The following ELOVL2 variants were observed in gnomAD, a reference collection of about 807,000 sequenced individuals.
ELOVL2 encodes the protein very long chain fatty acid elongase 2.
ELOVL2 carries 38 observed loss-of-function variants against 37.7 expected under a neutral mutation model. The ratio of observed to expected loss-of-function variants is 1.01; its 90% CI spans 0.78 to 1.32. The LOEUF (loss-of-function observed/expected upper bound fraction) is 1.32. ELOVL2 is among the 40% of genes most tolerant of loss of function. The pLI is 0.00. For missense variants in ELOVL2, 352 were observed against 363.6 expected, an observed-to-expected ratio of 0.97 and a Z score of 0.26; for synonymous variants, 115 against 122.3, an observed-to-expected ratio of 0.94 and a Z score of 0.40.
At chr6:11,040,156 A>G (rs16870899) in intron 1 of ELOVL2, among the ~76,000 whole-genome samples, 11,714 of 152,254 alleles carry the variant, frequency 0.077, 1,332 homozygotes, top group African/African-American at 0.25. Context: ...GACACAGTAG[A>G]CTGAAGAGCT....
chr6:11,039,513 T>C (rs139247167), intron 1 of ELOVL2, among the ~76,000 whole-genome samples: 1 of 152,354 alleles, frequency 6.6e-6, no homozygotes, highest in East Asian at 1.9e-4. Context: ...ATGTATACAA[T>C]GTAATGATCA....
At chr6:10,998,307 A>G (rs985094023) in intron 4 of ELOVL2, among the ~76,000 whole-genome samples, 1 of 152,184 alleles carries the variant, frequency 6.6e-6, no homozygotes, top group Admixed American at 6.5e-5. Flanking sequence ...TTATTTCACT[A>G]GGAGTTGCAA....
At chr6:11,033,400 C>T (rs1782961827) in intron 1 of ELOVL2, among the ~76,000 whole-genome samples, 1 of 152,096 alleles carries the variant, frequency 6.6e-6, no homozygotes, top group Admixed American at 6.5e-5. Context: ...GTGTGTACAA[C>T]AGAGGATGAA....
At position 10,989,857 on chromosome 6, in the gene ELOVL2, C is replaced by A. The variant is rs1167720343; in HGVS notation, c.631-20G>T. On this transcript the variant is annotated intron_variant, in intron 6 of 7. Transcript: ENST00000354666. ...CTGCACCTGGGGACGGCAGAGAGGG[C>A]ATCTCTGTGAGCGAGCCAGGCTGTG... 1.2e-6 allele frequency: 2 copies of A among 1,613,728 alleles called. No homozygotes were observed. Among genetic ancestry groups the A allele is most frequent in the African/African-American group, 2.7e-5 (2 of 75,014 alleles).
intron 1 of ELOVL2, among the ~76,000 whole-genome samples, chr6:11,035,662 A>G (rs1281126812): frequency 1.3e-5 from 2 of 152,222 alleles, no homozygotes; most frequent in East Asian, 1.9e-4. Context: ...TTTTTTTGTC[A>G]TAATATTACT....
At chr6:11,022,594 A>C (rs1019503076) in intron 1 of ELOVL2, among the ~76,000 whole-genome samples, 2 of 152,208 alleles carry the variant, frequency 1.3e-5, no homozygotes, top group Admixed American at 1.3e-4. Context: ...AATTATATAC[A>C]CACAAAAAAT....
At chr6:11,042,289 G>A (rs954913994) in intron 1 of ELOVL2, among the ~76,000 whole-genome samples, 32 of 151,764 alleles carry the variant, frequency 2.1e-4, no homozygotes, top group African/African-American at 7.7e-4. Context: ...TGCCAGCCTG[G>A]GTGACAGAGT....
At chr6:11,013,549 C>T (rs1384221429) in intron 1 of ELOVL2, among the ~76,000 whole-genome samples, 1 of 152,124 alleles carries the variant, frequency 6.6e-6, no homozygotes, top group Admixed American at 6.6e-5. Flanking sequence ...TTTTGAACAG[C>T]ATTCGTGTAC....
Position 11,005,670 on chromosome 6 carries a change from C to T in ELOVL2, c.68-111G>A. On this transcript the variant is annotated intron_variant, in intron 2 of 7. Transcript: ENST00000354666. ...ACACCAGCACAACAGGGAACAACTC[C>T]ATACAACATTAGGTAGGCTGGCCTG... is the stretch of plus-strand genomic sequence containing the variant. 4 of 877,466 alleles carry T rather than the reference C, an allele frequency of 4.6e-6. No homozygotes were observed. In the South Asian group the frequency reaches 5.7e-5, roughly 12 times the overall value. The allele number at this position is 877,466 out of a possible 1,614,324, so 54.4% of individuals were successfully genotyped here. A position where few individuals can be genotyped will look rare whatever the true frequency, so the allele number is the denominator to read the frequency against.
intron 7 of ELOVL2, among the ~76,000 whole-genome samples, chr6:10,984,364 T>A (rs531132219): frequency 4.3e-4 from 66 of 152,162 alleles, no homozygotes; most frequent in Non-Finnish European, 7.1e-4. Flanking sequence ...TATTATATTT[T>A]TTATTATTAT....
intron 1 of ELOVL2, chr6:11,015,761 C>G (rs1782674822): frequency 6.6e-6 from 1 of 152,188 alleles, no homozygotes; most frequent in Non-Finnish European, 1.5e-5. Flanking sequence ...GAAGGACACA[C>G]TTCTTGGGCA....
chr6:10,991,501 G>A (rs142824400), intron 5 of ELOVL2, among the ~76,000 whole-genome samples: 429 of 152,200 alleles, frequency 2.8e-3, no homozygotes, highest in Non-Finnish European at 4.6e-3. Context: ...AGTTTGGGAT[G>A]AAATTAACTG....
In ELOVL2 at chr6:10,983,903, A is replaced by C. The variant is rs762218875; in HGVS notation, c.769T>G (p.Tyr257Asp). The C allele has an allele frequency of 1.2e-6, 2 of 1,611,172 alleles. No homozygotes were observed. The highest frequency in any genetic ancestry group is 3.4e-5 in the Admixed American group (2 of 59,502). Residue 257 changes from tyrosine to aspartate, a missense_variant, in exon 8 of 8, where the codon TAC becomes GAC. By Grantham distance (160) the Tyr-to-Asp change is radical (BLOSUM62 -3). Coordinates refer to ENST00000354666, the MANE Select transcript of ELOVL2 (RefSeq NM_017770.4). Reference protein sequence around the residue: ...ILFLNFYVQTYRKKPMKKDMQ... With the variant: ...ILFLNFYVQTDRKKPMKKDMQ... Reference sequence around the variant, plus strand: ...TCTTTCTTCATTGGCTTTTTTCGGTATGTCTGTTGGATGTGTATATTTTGA... The same window carrying C: ...TCTTTCTTCATTGGCTTTTTTCGGTCTGTCTGTTGGATGTGTATATTTTGA...
intron 4 of ELOVL2, among the ~76,000 whole-genome samples, chr6:10,996,311 GTA>G (rs2113489750): frequency 6.6e-6 from 1 of 152,332 alleles, no homozygotes; most frequent in East Asian, 1.9e-4. Context: ...TTAGAGAACT[GTA>G]TGGTATGCAC....
In ELOVL2 at chr6:11,000,107, C is replaced by G. The variant is rs367914234; in HGVS notation, c.313G>C (p.Ala105Pro). The G allele has an allele frequency of 3.1e-6, 5 of 1,613,972 alleles. No individual in the cohort carries two copies. The South Asian group carries it at 5.5e-5, about 18-fold the overall frequency. The change falls in exon 4 of 8, where the codon GCA (alanine) becomes CCA (proline). Residue 105 changes from alanine (A) to proline (P), a missense_variant. Coordinates refer to ENST00000354666, the MANE Select transcript of ELOVL2 (RefSeq NM_017770.4). ...CTCACCCGGATGTCAGCTTCCCCTG[C>G]GCTGGTAAGATCTTGACACTGTAAG... Reference protein sequence around the residue: ...YNLQCQDLTSAGEADIRVAKV... With the variant: ...YNLQCQDLTSPGEADIRVAKV...
At chr6:11,010,367 G>A (rs148702753) in intron 2 of ELOVL2, among the ~76,000 whole-genome samples, 13 of 152,306 alleles carry the variant, frequency 8.5e-5, no homozygotes, top group African/African-American at 3.1e-4. Flanking sequence ...TCTAAGGGCA[G>A]AAATGTCACA....
intron 1 of ELOVL2, among the ~76,000 whole-genome samples, chr6:11,023,206 C>G (rs544069920): frequency 2.6e-5 from 4 of 152,306 alleles, no homozygotes; most frequent in Non-Finnish European, 5.9e-5. Context: ...CACCTTGGAA[C>G]TGTACCAGTT....
intron 3 of ELOVL2, among the ~76,000 whole-genome samples, chr6:11,000,494 G>C (rs1237096132): frequency 2.0e-5 from 3 of 152,194 alleles, no homozygotes; most frequent in African/African-American, 7.2e-5. Flanking sequence ...TGTAGAATTA[G>C]TTGAAAACAA....
At chr6:10,994,952 C>G (rs1006760466) in intron 5 of ELOVL2, 55 bp downstream of exon 5, 3 of 1,377,260 alleles carry the variant, frequency 2.2e-6, no homozygotes, top group Non-Finnish European at 3.0e-6. Flanking sequence ...CAAGACAGCA[C>G]CAGTGGTCTC....
Sources: gnomAD v4.1 joint callset for allele counts (sites outside exome capture counted in the v4.1 genomes callset) on GRCh38, gnomAD v4.1.1 for gene constraint, MANE v1.5 for transcripts, NCBI Gene and HGNC (gene_info 2026-07-23, HGNC 2026-07-21) for gene names.